Variants in ADK observed in about 807,000 individuals in gnomAD.
ADK encodes adenosine kinase, also known as N6,N6-dimethyladenosine kinase.
Under a neutral mutation model 44.7 loss-of-function variants are expected in ADK, and 24 were observed. The observed-to-expected ratio is 0.54, with a 90% CI of 0.39 to 0.76. The LOEUF (loss-of-function observed/expected upper bound fraction) is 0.76. Among genes scored for constraint, ADK ranks in the 30% least tolerant of loss-of-function variants. ADK has a pLI of 0.00. For missense variants in ADK, 321 were observed against 425.1 expected (o/e 0.76, Z 2.15); for synonymous variants, 128 against 142.6 (o/e 0.90, Z 0.73).
chr10:74,658,984 G>T (rs1016669268), intron 9 of ADK, among the ~76,000 whole-genome samples: 8 of 152,086 alleles, frequency 5.3e-5, no homozygotes, highest in African/African-American at 1.7e-4. Flanking sequence ...GGGAAGCCAA[G>T]GTGGGAGGAT....
intron 5 of ADK, among the ~76,000 whole-genome samples, chr10:74,398,247 C>T (rs1210450917): frequency 6.6e-6 from 1 of 151,988 alleles, no homozygotes; most frequent in African/African-American, 2.4e-5. Flanking sequence ...CAATTTCTTT[C>T]TCAAAATACC....
Position 74,329,084 on chromosome 10 carries a change from A to C in ADK, c.273+14339A>C, listed in dbSNP as rs563452585. On this transcript the variant is annotated intron_variant, in intron 4 of 10. Transcript: ENST00000539909. Reference sequence around the variant, plus strand: ...TAATAAAATAAAATAAAAATAAAATAAAATCTAATCTTCTGTGCAGGCAAA... The same window carrying C: ...TAATAAAATAAAATAAAAATAAAATCAAATCTAATCTTCTGTGCAGGCAAA... Among the ~76,000 whole-genome samples the C allele has an allele frequency of 5.7e-4, 84 of 148,140 alleles. No homozygotes were observed. The South Asian group carries it at 6.6e-3, about 12-fold the overall frequency.
At chr10:74,704,944 AC>A (rs1273007253) in intron 10 of ADK, among the ~76,000 whole-genome samples, 1 of 152,230 alleles carries the variant, frequency 6.6e-6, no homozygotes, top group Non-Finnish European at 1.5e-5. Flanking sequence ...AAATACTCTT[AC>A]TAAACCTCTT....
At chr10:74,436,478 CA>C (rs34848555) in intron 6 of ADK, among the ~76,000 whole-genome samples, 87,733 of 140,464 alleles carry the variant, frequency 0.62, 28,272 homozygotes, top group Middle Eastern at 0.77. Flanking sequence ...TTACTGTCTC[CA>C]AAAAAAAAAA....
At chr10:74,339,574 G>T (rs1299117162) in intron 4 of ADK, among the ~76,000 whole-genome samples, 1 of 152,000 alleles carries the variant, frequency 6.6e-6, no homozygotes, top group Non-Finnish European at 1.5e-5. Context: ...TCTGTGTTTG[G>T]TGTCATTTCT....
chr10:74,371,535 A>C, intron 4 of ADK: 1 of 1,019,576 alleles, frequency 9.8e-7, no homozygotes, highest in East Asian at 2.5e-5. Context: ...ACTTTTCACC[A>C]TGTCTGGAGC....
intron 1 of ADK, among the ~76,000 whole-genome samples, chr10:74,197,757 G>C (rs1006800258): frequency 1.3e-5 from 2 of 150,006 alleles, no homozygotes; most frequent in African/African-American, 4.9e-5. Context: ...TTTGACTCTT[G>C]AATTGTACTT....
At chr10:74,240,394 G>C (rs946067899) in intron 3 of ADK, among the ~76,000 whole-genome samples, 1 of 147,986 alleles carries the variant, frequency 6.8e-6, no homozygotes, top group Non-Finnish European at 1.5e-5. Flanking sequence ...GTGTGTGTGT[G>C]TGTGTGTCTG....
At chr10:74,402,824 C>A (rs761024230) in intron 6 of ADK, among the ~76,000 whole-genome samples, 4 of 152,176 alleles carry the variant, frequency 2.6e-5, no homozygotes, top group African/African-American at 9.7e-5. Flanking sequence ...GGAGAAGAGA[C>A]GCTCTGATTT....
intron 7 of ADK, among the ~76,000 whole-genome samples, chr10:74,538,156 G>A (rs1270772833): frequency 6.6e-6 from 1 of 151,944 alleles, no homozygotes; most frequent in Non-Finnish European, 1.5e-5. Flanking sequence ...TCAGGAGGCT[G>A]AGGCAGGAGA....
chr10:74,186,500 T>C (rs1031060838), intron 1 of ADK, among the ~76,000 whole-genome samples: 3 of 151,290 alleles, frequency 2.0e-5, no homozygotes, highest in African/African-American at 7.3e-5. Context: ...GGTGGGGTCT[T>C]GCTATGTTGC....
At chr10:74,235,692 A>T (rs1183570925) in intron 3 of ADK, among the ~76,000 whole-genome samples, 2 of 152,148 alleles carry the variant, frequency 1.3e-5, no homozygotes, top group African/African-American at 4.8e-5. Flanking sequence ...GAGTGAGCTT[A>T]CTTATTTTAC....
chr10:74,630,813 C>G (rs1247036299), intron 9 of ADK, among the ~76,000 whole-genome samples: 2 of 152,016 alleles, frequency 1.3e-5, no homozygotes, highest in Non-Finnish European at 2.9e-5. Flanking sequence ...TGGTATTAGC[C>G]AAAGAATTAT....
intron 10 of ADK, among the ~76,000 whole-genome samples, chr10:74,687,131 T>C (rs1259269232): frequency 6.6e-6 from 1 of 151,974 alleles, no homozygotes; most frequent in Non-Finnish European, 1.5e-5. Context: ...TTACATATTA[T>C]AAGAGGGGTC....
intron 6 of ADK, among the ~76,000 whole-genome samples, chr10:74,523,279 T>A (rs993704534): frequency 6.6e-5 from 10 of 152,214 alleles, no homozygotes; most frequent in African/African-American, 2.2e-4. Flanking sequence ...TAATTATTCT[T>A]ACCTTACTTT....
chr10:74,686,631 A>G (rs1047740590), intron 10 of ADK, among the ~76,000 whole-genome samples: 1 of 152,152 alleles, frequency 6.6e-6, no homozygotes, highest in Non-Finnish European at 1.5e-5. Flanking sequence ...AGACTATGAG[A>G]GAGACTATGG....
chr10:74,451,828 A>G (rs183928120), intron 6 of ADK, among the ~76,000 whole-genome samples: 1 of 152,226 alleles, frequency 6.6e-6, no homozygotes, highest in East Asian at 1.9e-4. Flanking sequence ...AAGAAAACAA[A>G]ATTTGTATTT....
chr10:74,530,035 A>G (rs1282795060), intron 7 of ADK, among the ~76,000 whole-genome samples: 2 of 152,204 alleles, frequency 1.3e-5, no homozygotes, highest in African/African-American at 4.8e-5. Context: ...CATACTAGGT[A>G]AGTTGAAGGT....
At chr10:74,665,635 T>C (rs1854917909) in intron 9 of ADK, among the ~76,000 whole-genome samples, 1 of 151,936 alleles carries the variant, frequency 6.6e-6, no homozygotes, top group Non-Finnish European at 1.5e-5. Flanking sequence ...CTCAGGAGGC[T>C]GAGGCAGGAG....
Sources: allele counts gnomAD v4.1 joint callset (sites outside exome capture counted in the v4.1 genomes callset), GRCh38; gene constraint gnomAD v4.1.1; transcripts MANE v1.5; gene names NCBI Gene and HGNC (gene_info 2026-07-23, HGNC 2026-07-21).